Variants in GYS2 observed in about 807,000 individuals in gnomAD.
GYS2 encodes the protein glycogen synthase 2, also known as glycogen [starch] synthase, liver.
A neutral mutation model predicts 85.6 loss-of-function variants in GYS2; 80 were observed. The observed-to-expected ratio is 0.93, with a 90% CI of 0.78 to 1.13. The LOEUF (loss-of-function observed/expected upper bound fraction) is 1.13. Ranked by LOEUF, GYS2 falls within the 50% of genes most tolerant of loss-of-function variation. GYS2 has a pLI of 0.00. For missense variants in GYS2, 881 were observed against 854.9 expected (o/e 1.03, Z -0.38); for synonymous variants, 328 against 300.7 (o/e 1.09, Z -0.94).
intron 1 of GYS2, among the ~76,000 whole-genome samples, chr12:21,603,592 TA>T (rs1390161714): frequency 6.6e-6 from 1 of 152,066 alleles, no homozygotes; most frequent in Non-Finnish European, 1.5e-5. Flanking sequence ...ACACATGACA[TA>T]ATTTCAGATC....
chr12:21,560,466 C>T lies in GYS2; in HGVS notation c.1089G>A (p.Met363Ile). ...TCTTGGCAGGCATAATGAAAAACAC[C>T]ATCACTGTGATGTCACTTTTATGCA... Reference protein sequence around the residue: ...LRMHKSDITVMVFFIMPAKTN... With the variant: ...LRMHKSDITVIVFFIMPAKTN... Residue 363 changes from methionine to isoleucine, a missense_variant, in exon 8 of 16, where the codon ATG becomes ATA. Transcript: ENST00000261195. The T allele has an allele frequency of 6.3e-7, 1 of 1,579,692 alleles. No homozygotes were observed. The highest frequency in any genetic ancestry group is 1.7e-5 in the Admixed American group (1 of 59,966).
intron 1 of GYS2, among the ~76,000 whole-genome samples, chr12:21,586,730 GT>G (rs1433848318): frequency 6.6e-6 from 1 of 152,140 alleles, no homozygotes; most frequent in Non-Finnish European, 1.5e-5. Context: ...TGGTAAGAAT[GT>G]AAATTAGTAC....
intron 1 of GYS2, among the ~76,000 whole-genome samples, chr12:21,588,091 G>A (rs140997944): frequency 6.4e-4 from 98 of 152,318 alleles, no homozygotes; most frequent in African/African-American, 2.2e-3. Context: ...AGAGCAAGGG[G>A]ATGACTCAAG....
intron 1 of GYS2, among the ~76,000 whole-genome samples, chr12:21,581,635 G>C (rs1201108884): frequency 2.0e-5 from 3 of 152,190 alleles, no homozygotes; most frequent in East Asian, 3.9e-4. Context: ...CTCTAATATT[G>C]CTGCTACCTC....
chr12:21,537,293 T>C lies in GYS2; in HGVS notation c.1891-118A>G. 3 of 756,466 alleles carry C rather than the reference T, an allele frequency of 4.0e-6. No homozygotes were observed. In the South Asian group the frequency reaches 4.5e-5, roughly 11 times the overall value. The allele number at this position is 756,466 out of a possible 1,614,324, so 46.9% of individuals were successfully genotyped here. On this transcript the variant is annotated intron_variant, in intron 15 of 15. Coordinates refer to ENST00000261195, the MANE Select transcript of GYS2 (RefSeq NM_021957.4). Reference sequence around the variant, plus strand: ...AGTTATCTATCTTTTGTAGTCTGGGTGCTATTAAACTTTGATTCATTTTGA... The same window carrying C: ...AGTTATCTATCTTTTGTAGTCTGGGCGCTATTAAACTTTGATTCATTTTGA...
At chr12:21,571,315 TTTATGA>T (rs1944382336) in intron 4 of GYS2, among the ~76,000 whole-genome samples, 2 of 152,238 alleles carry the variant, frequency 1.3e-5, no homozygotes, top group East Asian at 1.9e-4. Flanking sequence ...CTTCCACATA[TTTATGA>T]TTATATCTTA....
At chr12:21,577,751 C>G (rs1944462787) in intron 2 of GYS2, among the ~76,000 whole-genome samples, 1 of 152,054 alleles carries the variant, frequency 6.6e-6, no homozygotes, top group Admixed American at 6.6e-5. Flanking sequence ...ATTTTTTCAC[C>G]CCCAGAAACT....
At chr12:21,547,787 G>T (rs1336153972) in intron 11 of GYS2, among the ~76,000 whole-genome samples, 1 of 152,060 alleles carries the variant, frequency 6.6e-6, no homozygotes, top group Non-Finnish European at 1.5e-5. Flanking sequence ...GCCAATGTAG[G>T]TTCATCTACT....
At chr12:21,552,981 G>GGCTAAGAA (rs1328786624) in intron 11 of GYS2, among the ~76,000 whole-genome samples, 1 of 152,114 alleles carries the variant, frequency 6.6e-6, no homozygotes, top group Non-Finnish European at 1.5e-5. Context: ...TCAGATTCTG[G>GGCTAAGAA]GCTAAGAACT....
At chr12:21,583,281 G>C (rs547884571) in intron 1 of GYS2, among the ~76,000 whole-genome samples, 1 of 152,196 alleles carries the variant, frequency 6.6e-6, no homozygotes, top group Non-Finnish European at 1.5e-5. Context: ...ATGGTTTGGG[G>C]CTCTTTGAGA....
chr12:21,539,951 G>T (rs74809120), intron 14 of GYS2, among the ~76,000 whole-genome samples: 3,392 of 152,246 alleles, frequency 0.022, 65 homozygotes, highest in Non-Finnish European at 0.033. Context: ...GAGCATCCAG[G>T]TGTTTATAAA....
chr12:21,572,882 C>T (rs1028855525), intron 4 of GYS2, among the ~76,000 whole-genome samples: 1 of 152,114 alleles, frequency 6.6e-6, no homozygotes, highest in African/African-American at 2.4e-5. Context: ...ATATTTTCTC[C>T]TTCACTGAAG....
intron 11 of GYS2, among the ~76,000 whole-genome samples, chr12:21,556,371 A>G (rs751597934): frequency 6.6e-6 from 1 of 152,152 alleles, no homozygotes; most frequent in East Asian, 1.9e-4. Flanking sequence ...GGGTTTCACC[A>G]TGTTGCCCAG....
At chr12:21,550,474 C>T (rs1330898766) in intron 11 of GYS2, among the ~76,000 whole-genome samples, 1 of 152,162 alleles carries the variant, frequency 6.6e-6, no homozygotes, top group African/African-American at 2.4e-5. Context: ...CTGGCTCTGA[C>T]ACTGCTTTAG....
At chr12:21,548,293 G>A (rs1944065983) in intron 11 of GYS2, among the ~76,000 whole-genome samples, 1 of 152,094 alleles carries the variant, frequency 6.6e-6, no homozygotes, top group Non-Finnish European at 1.5e-5. Context: ...GATTCGTAGT[G>A]TTTGCCTATT....
intron 7 of GYS2, among the ~76,000 whole-genome samples, chr12:21,562,003 A>C (rs998499449): frequency 1.2e-4 from 19 of 152,298 alleles, no homozygotes; most frequent in African/African-American, 4.6e-4. Context: ...ATATTTTCCT[A>C]TTACTTATTC....
At chr12:21,553,431 C>G (rs1944137225) in intron 11 of GYS2, among the ~76,000 whole-genome samples, 1 of 152,284 alleles carries the variant, frequency 6.6e-6, no homozygotes, top group African/African-American at 2.4e-5. Context: ...GATCTTAGCC[C>G]CAGGAATCTT....
intron 7 of GYS2, among the ~76,000 whole-genome samples, chr12:21,562,596 T>C (rs995922439): frequency 2.0e-5 from 3 of 149,968 alleles, no homozygotes; most frequent in African/African-American, 4.9e-5. Context: ...GATTACAAAC[T>C]CATGTGAGGG....
intron 12 of GYS2, among the ~76,000 whole-genome samples, chr12:21,544,221 G>A (rs1944011869): frequency 6.6e-6 from 1 of 152,152 alleles, no homozygotes. Flanking sequence ...CTATAGGTTA[G>A]GGGAAGAGTG....
Sources: allele counts gnomAD v4.1 joint callset (sites outside exome capture counted in the v4.1 genomes callset), GRCh38; gene constraint gnomAD v4.1.1; transcripts MANE v1.5; gene names NCBI Gene and HGNC (gene_info 2026-07-23, HGNC 2026-07-21).